TRPV1: variants seen among roughly 807,000 people sequenced by gnomAD.
The protein encoded by TRPV1 is transient receptor potential cation channel subfamily V member 1, also known as OTRPC1.
A neutral mutation model predicts 82.3 loss-of-function variants in TRPV1; 82 were observed. The ratio of observed to expected loss-of-function variants is 1.00; its 90% CI spans 0.83 to 1.20. TRPV1 has a LOEUF of 1.20. Among genes scored for constraint, TRPV1 ranks in the 50% most tolerant of loss-of-function variants. TRPV1 has a pLI of 0.00. For missense variants in TRPV1, 1,067 were observed against 1,096.8 expected (o/e 0.97, Z 0.38); for synonymous variants, 515 against 467.7 (o/e 1.10, Z -1.30).
At position 3,568,175 on chromosome 17, in the gene TRPV1, A is replaced by G. The variant is rs956677069; in HGVS notation, c.2348-1188T>C. Among the ~76,000 whole-genome samples the G allele has an allele frequency of 1.2e-4, 18 of 152,128 alleles. No homozygotes were observed. In the East Asian group the frequency reaches 3.1e-3, roughly 26 times the overall value. On this transcript the variant is annotated intron_variant, in intron 16 of 16. Coordinates refer to ENST00000572705, the MANE Select transcript of TRPV1 (RefSeq NM_080704.4). ...GTCTCTACTAAAAATACAAAAAATT[A>G]GCCGGGCGTAGTGGCGGGCGCCTGT...
intron 8 of TRPV1, among the ~76,000 whole-genome samples, chr17:3,587,179 C>T (rs2150843930): frequency 6.6e-6 from 1 of 152,320 alleles, no homozygotes; most frequent in African/African-American, 2.4e-5. Flanking sequence ...CCTATCTGGA[C>T]CTCTCCTCTG....
chr17:3,566,535 G>A lies in TRPV1; in HGVS notation c.*280C>T, dbSNP rs1042091165. The A allele has an allele frequency of 1.3e-5, 4 of 313,098 alleles. No homozygotes were observed. Among genetic ancestry groups the A allele is most frequent in the Non-Finnish European group, 5.8e-6 (1 of 172,426 alleles). 19.4% of individuals were successfully genotyped at this position (313,098 alleles called of 1,614,324 possible). On this transcript the variant is annotated 3_prime_UTR_variant, in exon 17 of 17. Coordinates refer to ENST00000572705, the MANE Select transcript of TRPV1 (RefSeq NM_080704.4). Reference sequence around the variant, plus strand: ...ATCAAAGAAAACAAGGGCCTAACATGTCCCAGTAGAGACTGACCATCCAAA... The same window carrying A: ...ATCAAAGAAAACAAGGGCCTAACATATCCCAGTAGAGACTGACCATCCAAA...
Position 3,589,940 on chromosome 17 carries a change from TTCGTGTTG to T in TRPV1, c.903_910del (p.Asp301GlufsTer9). 1 of 1,575,506 alleles carries T rather than the reference TTCGTGTTG, an allele frequency of 6.3e-7. No homozygotes were observed. The highest frequency in any genetic ancestry group is 1.9e-5 in the Admixed American group (1 of 53,198). On this transcript the variant is annotated frameshift_variant, in exon 7 of 17. Coordinates refer to ENST00000572705, the MANE Select transcript of TRPV1 (RefSeq NM_080704.4). LOFTEE classifies it high-confidence loss of function. ...CTCATTGTACATGCTCGTCACAAACTTCGTGTTGTCGGCCGTGTTGTCGGCCACCTCCA... is the reference window on the plus strand; with the variant it reads ...CTCATTGTACATGCTCGTCACAAACTTCGGCCGTGTTGTCGGCCACCTCCA...
intron 12 of TRPV1, 68 bp downstream of exon 12, chr17:3,577,530 G>T: frequency 6.6e-7 from 1 of 1,505,220 alleles, no homozygotes; most frequent in Non-Finnish European, 9.0e-7. Flanking sequence ...CGGAGTTCTT[G>T]GCCCCATCTC....
In TRPV1 at chr17:3,591,076, G is replaced by C; in HGVS notation, c.492C>G (p.Leu164=). The part of the protein sequence containing the change: ...TGKTCLLKAM[L]NLHDGQNTTI... ...TGGTGTTCTGTCCGTCGTGCAGGTT[G>C]AGCATGGCTTTCAGCAGACAGGTCT... is the stretch of plus-strand genomic sequence containing the variant. Residue 164 remains leucine (L), a synonymous_variant, in exon 5 of 17, where the codon CTC becomes CTG. Coordinates refer to ENST00000572705, the MANE Select transcript of TRPV1 (RefSeq NM_080704.4). The C allele has an allele frequency of 6.2e-7, 1 of 1,613,234 alleles. No homozygotes were observed. The highest frequency in any genetic ancestry group is 8.5e-7 in the Non-Finnish European group (1 of 1,179,652).
chr17:3,572,578 G>T (rs2074869235), intron 14 of TRPV1, among the ~76,000 whole-genome samples: 1 of 152,210 alleles, frequency 6.6e-6, no homozygotes, highest in Non-Finnish European at 1.5e-5. Flanking sequence ...TGAGAGCAGG[G>T]CCACGAGTGA....
At chr17:3,598,883 A>G (rs1198941174) in intron 2 of TRPV1, among the ~76,000 whole-genome samples, 1 of 150,576 alleles carries the variant, frequency 6.6e-6, no homozygotes, top group Non-Finnish European at 1.5e-5. Context: ...ACACCTGTTT[A>G]TGCTATGTGT....
chr17:3,593,769 T>G (rs1209898040), intron 2 of TRPV1, among the ~76,000 whole-genome samples: 1 of 152,148 alleles, frequency 6.6e-6, no homozygotes, highest in African/African-American at 2.4e-5. Flanking sequence ...CACTGATTTA[T>G]CTCTCCCGCA....
In TRPV1 at chr17:3,582,153, G is replaced by A. The variant is rs377420811; in HGVS notation, c.1476+1185C>T. Among the ~76,000 whole-genome samples the A allele has an allele frequency of 7.6e-5, 10 of 132,214 alleles. No individual in the cohort carries two copies. In the East Asian group the frequency reaches 1.7e-3, roughly 22 times the overall value. 86.7% of individuals were successfully genotyped at this position (132,214 alleles called of 152,430 possible). A position where few individuals can be genotyped will look rare whatever the true frequency, so the allele number is the denominator to read the frequency against. ...TGCAGTGAGTGGAGATTGTGCCACTGCACTCCAGCCTGGGCGAAAGAGTGA... is the reference window on the plus strand; with the variant it reads ...TGCAGTGAGTGGAGATTGTGCCACTACACTCCAGCCTGGGCGAAAGAGTGA... On this transcript the variant is annotated intron_variant, in intron 10 of 16. Coordinates refer to ENST00000572705, the MANE Select transcript of TRPV1 (RefSeq NM_080704.4).
chr17:3,588,760 G>A (rs1163161014), intron 7 of TRPV1, among the ~76,000 whole-genome samples: 10 of 150,272 alleles, frequency 6.7e-5, no homozygotes, highest in Admixed American at 6.6e-4. Context: ...GTTGCAGTGA[G>A]CCGAGATTGT....
chr17:3,575,708 C>T (rs978585186), intron 13 of TRPV1, among the ~76,000 whole-genome samples: 5 of 152,120 alleles, frequency 3.3e-5, no homozygotes, highest in South Asian at 2.1e-4. Flanking sequence ...TCAAAGCTAA[C>T]GTCACCAGAA....
At position 3,568,104 on chromosome 17, in the gene TRPV1, C is replaced by T. The variant is rs1003880169; in HGVS notation, c.2348-1117G>A. Among the ~76,000 whole-genome samples the T allele has an allele frequency of 4.6e-5, 7 of 152,212 alleles. No homozygotes were observed. In the East Asian group the frequency reaches 5.8e-4, roughly 13 times the overall value. Reference sequence around the variant, plus strand: ...GTGGGAGGCCGAGGCGGGCGGATCACGAGGTCAGGAGATCGAGACCATCCT... The same window carrying T: ...GTGGGAGGCCGAGGCGGGCGGATCATGAGGTCAGGAGATCGAGACCATCCT... On this transcript the variant is annotated intron_variant, in intron 16 of 16. Coordinates refer to ENST00000572705, the MANE Select transcript of TRPV1 (RefSeq NM_080704.4).
intron 13 of TRPV1, among the ~76,000 whole-genome samples, chr17:3,574,616 G>A (rs72822066): frequency 0.037 from 5,709 of 152,252 alleles, 138 homozygotes; most frequent in Non-Finnish European, 0.058. Context: ...CGTAACTGTG[G>A]GACTCGGATG....
At chr17:3,583,457 T>G (rs765741135) in intron 9 of TRPV1, 27 bp from the exon 10 acceptor site, 2 of 1,533,712 alleles carry the variant, frequency 1.3e-6, no homozygotes, top group South Asian at 2.4e-5. Flanking sequence ...AGTTGGTAAC[T>G]CCATTTACTC....
In TRPV1 at chr17:3,585,755, C is replaced by T. The variant is rs773708161; in HGVS notation, c.1383+13G>A. 1.2e-6 allele frequency: 2 copies of T among 1,611,202 alleles called. No individual in the cohort carries two copies. Among genetic ancestry groups the T allele is most frequent in the South Asian group, 2.2e-5 (2 of 90,586 alleles). On this transcript the variant is annotated intron_variant, in intron 9 of 16. Coordinates refer to ENST00000572705, the MANE Select transcript of TRPV1 (RefSeq NM_080704.4). ...CACACCCTCGCCCACGAGGCCTGAG[C>T]CTCTGGCCGCACCAAGCCATCCACG...
intron 9 of TRPV1, 113 bp downstream of exon 9, chr17:3,585,655 G>GA: frequency 7.5e-7 from 1 of 1,328,658 alleles, no homozygotes; most frequent in South Asian, 1.4e-5. Context: ...CGCAAGCTGG[G>GA]AAGGAGTCCA....
intron 11 of TRPV1, chr17:3,578,279 G>C (rs915618988): frequency 1.3e-5 from 2 of 152,432 alleles, no homozygotes; most frequent in African/African-American, 4.8e-5. Context: ...CTGCACTCCA[G>C]CCTGGGAGAC....
chr17:3,573,458 A>T (rs942804809), intron 14 of TRPV1, among the ~76,000 whole-genome samples, 175 bp downstream of exon 14: 1 of 152,114 alleles, frequency 6.6e-6, no homozygotes, highest in African/African-American at 2.4e-5. Flanking sequence ...TCCCTCCTCA[A>T]ATCCTGCAGG....
intron 6 of TRPV1, 71 bp from the exon 7 acceptor site, chr17:3,590,176 A>C: frequency 6.3e-7 from 1 of 1,588,912 alleles, no homozygotes; most frequent in Admixed American, 1.7e-5. Flanking sequence ...CCGGCCTCCA[A>C]ACTCCCTCTG....
Sources: allele counts gnomAD v4.1 joint callset (sites outside exome capture counted in the v4.1 genomes callset), GRCh38; gene constraint gnomAD v4.1.1; transcripts MANE v1.5; gene names NCBI Gene and HGNC (gene_info 2026-07-23, HGNC 2026-07-21).